ZNF138: variants seen among roughly 807,000 people sequenced by gnomAD.
ZNF138 encodes the protein zinc finger protein 138.
In ZNF138, 33 loss-of-function variants were observed where a neutral mutation model predicts 33.0. That is an observed-to-expected ratio of 1.00 (90% CI 0.76 to 1.34). The LOEUF (loss-of-function observed/expected upper bound fraction) is 1.34, where lower values mean the gene tolerates loss of function less well. ZNF138 is among the 40% of genes most tolerant of loss of function. The pLI is 0.00. For missense variants in ZNF138, 360 were observed against 370.8 expected (o/e 0.97, Z 0.24); for synonymous variants, 139 against 120.4 (o/e 1.15, Z -1.01).
At chr7:64,860,533 G>A in the ZNF138 span, among the ~76,000 whole-genome samples, 1 of 152,142 alleles carries the variant, frequency 6.6e-6, no homozygotes, top group Middle Eastern at 3.2e-3. Flanking sequence ...ATAATGATAT[G>A]AACATAAATA....
chr7:64,847,083 C>T, the ZNF138 span, among the ~76,000 whole-genome samples: 2 of 151,934 alleles, frequency 1.3e-5, no homozygotes, highest in East Asian at 1.9e-4. Context: ...ACATGTTAAA[C>T]CATCCATGAA....
At chr7:64,847,332 A>ATATATATT in the ZNF138 span, among the ~76,000 whole-genome samples, 82 of 128,096 alleles carry the variant, frequency 6.4e-4, no homozygotes, top group African/African-American at 1.4e-3. Flanking sequence ...ATATATATAT[A>ATATATATT]TTTTTTTTTT....
chr7:64,818,629 A>T (rs985230456), intron 3 of ZNF138, among the ~76,000 whole-genome samples: 2 of 151,978 alleles, frequency 1.3e-5, no homozygotes, highest in Non-Finnish European at 2.9e-5. Flanking sequence ...GCATGCCTGT[A>T]ATCCCAGCTA....
chr7:64,828,837 C>T (rs932481068), intron 3 of ZNF138, among the ~76,000 whole-genome samples: 4 of 151,564 alleles, frequency 2.6e-5, no homozygotes, highest in African/African-American at 9.7e-5. Context: ...ATTTTATATA[C>T]CTTTGGTGTT....
At chr7:64,815,190 A>G (rs1788515671) in intron 2 of ZNF138, 146 bp downstream of exon 2, 4 of 922,738 alleles carry the variant, frequency 4.3e-6, no homozygotes, top group Non-Finnish European at 6.0e-6. Context: ...GAGATTTGTC[A>G]GTGTAGAAAA....
rs372758213 is a variant in ZNF138, at chr7:64,820,481, A to G, written c.208+4828A>G. 1.7e-4 allele frequency among the ~76,000 whole-genome samples: 26 copies of G among 151,798 alleles called. No homozygotes were observed. The East Asian group carries it at 4.0e-3, about 24-fold the overall frequency. ...TCCAGCTTTTGTGAATACTGGTACAATAAACATAGATGTTCAAATATGTTT... is the reference window on the plus strand; with the variant it reads ...TCCAGCTTTTGTGAATACTGGTACAGTAAACATAGATGTTCAAATATGTTT... On this transcript the variant is annotated intron_variant, in intron 3 of 3. Transcript: ENST00000307355.
rs1788888158 is a variant in ZNF138 at position 64,818,856 on chromosome 7, A to C, written c.208+3203A>C. On this transcript the variant is annotated intron_variant, in intron 3 of 3. Transcript: ENST00000307355. ...TACTGCCATACAGTGGATGGCACTAATTCAAAATACCTGCCTTCCATGAGT... is the reference window on the plus strand; with the variant it reads ...TACTGCCATACAGTGGATGGCACTACTTCAAAATACCTGCCTTCCATGAGT... Among the ~76,000 whole-genome samples, 3 of 152,184 alleles carry C rather than the reference A, an allele frequency of 2.0e-5. No individual in the cohort carries two copies. The South Asian group carries it at 6.2e-4, about 32-fold the overall frequency.
At chr7:64,819,317 TA>T (rs1276912668) in intron 3 of ZNF138, among the ~76,000 whole-genome samples, 4 of 151,988 alleles carry the variant, frequency 2.6e-5, no homozygotes, top group Non-Finnish European at 5.9e-5. Flanking sequence ...AATGAATATA[TA>T]TTTCCTTGTG....
the ZNF138 span, among the ~76,000 whole-genome samples, chr7:64,842,635 C>T: frequency 1.8e-4 from 27 of 152,256 alleles, no homozygotes; most frequent in African/African-American, 5.3e-4. Flanking sequence ...TTTATGCAAA[C>T]TTGTTCATTG....
At chr7:64,852,912 CT>C in the ZNF138 span, 1 of 1,125,338 alleles carries the variant, frequency 8.9e-7, no homozygotes, top group South Asian at 1.2e-5. Context: ...TCAGCTGCGT[CT>C]TTAAAACCTT....
chr7:64,814,589 GC>G (rs2129001066), intron 1 of ZNF138, among the ~76,000 whole-genome samples: 1 of 152,064 alleles, frequency 6.6e-6, no homozygotes, highest in African/African-American at 2.4e-5. Context: ...ACATAGTGAA[GC>G]CCCGTTTCTA....
the ZNF138 span, among the ~76,000 whole-genome samples, chr7:64,844,040 T>C: frequency 2.0e-5 from 3 of 152,108 alleles, no homozygotes; most frequent in Non-Finnish European, 2.9e-5. Flanking sequence ...GCCAGGCTGG[T>C]CTCAAATCTC....
intron 1 of ZNF138, chr7:64,814,282 C>T: frequency 6.3e-6 from 2 of 318,686 alleles, no homozygotes; most frequent in South Asian, 9.3e-5. Flanking sequence ...GTGCCTTTTC[C>T]ATCTGAAAAA....
chr7:64,797,275 A>G (rs545332386), intron 1 of ZNF138, among the ~76,000 whole-genome samples: 38 of 152,318 alleles, frequency 2.5e-4, no homozygotes, highest in Middle Eastern at 3.4e-3. Context: ...CTAATTGTTT[A>G]CTACATCATT....
chr7:64,844,376 G>C, the ZNF138 span, among the ~76,000 whole-genome samples: 1 of 149,828 alleles, frequency 6.7e-6, no homozygotes, highest in Non-Finnish European at 1.5e-5. Flanking sequence ...TCTGGATGTG[G>C]GTCTTACCAC....
At chr7:64,799,494 T>A (rs1329359994) in intron 1 of ZNF138, among the ~76,000 whole-genome samples, 1 of 152,152 alleles carries the variant, frequency 6.6e-6, no homozygotes, top group African/African-American at 2.4e-5. Context: ...GAGCATAAAG[T>A]AATTTTCAAT....
chr7:64,820,928 G>T (rs13247714), intron 3 of ZNF138, among the ~76,000 whole-genome samples: 148,875 of 151,166 alleles, frequency 0.98, 73,456 homozygotes, highest in East Asian at 1. Flanking sequence ...CTGCATTCTT[G>T]TTTTCCACCA....
chr7:64,835,238 G>A (rs1790331781), downstream of ZNF138: 1 of 152,176 alleles, frequency 6.6e-6, no homozygotes, highest in Non-Finnish European at 1.5e-5. Flanking sequence ...AGTCCAATCA[G>A]TCCAGCCTAT....
intron 1 of ZNF138, among the ~76,000 whole-genome samples, chr7:64,804,126 CAAAG>C (rs1787379504): frequency 6.6e-6 from 1 of 152,086 alleles, no homozygotes; most frequent in African/African-American, 2.4e-5. Flanking sequence ...TTTCTGCCTC[CAAAG>C]AAAGAAGTAA....
Sources: gnomAD v4.1 joint callset for allele counts (sites outside exome capture counted in the v4.1 genomes callset) on GRCh38, gnomAD v4.1.1 for gene constraint, MANE v1.5 for transcripts, NCBI Gene and HGNC (gene_info 2026-07-23, HGNC 2026-07-21) for gene names.